DHTKD1: variants seen among roughly 807,000 people sequenced by gnomAD.
The protein encoded by DHTKD1 is 2-oxoadipate dehydrogenase complex component E1.
DHTKD1 carries 78 observed loss-of-function variants against 101.8 expected under a neutral mutation model. That is an observed-to-expected ratio of 0.77 (90% CI 0.64 to 0.93). The LOEUF (loss-of-function observed/expected upper bound fraction) is 0.93, where lower values mean the gene tolerates loss of function less well. Among genes scored for constraint, DHTKD1 ranks in the 40% least tolerant of loss-of-function variants. The pLI, the probability that DHTKD1 is intolerant of heterozygous loss-of-function variation, is 0.00. For synonymous variants in DHTKD1, 462 were observed against 450.3 expected, an observed-to-expected ratio of 1.03 and a Z score of -0.33; for missense variants, 1,223 against 1,161.7, an observed-to-expected ratio of 1.05 and a Z score of -0.77.
At chr10:12,120,140 A>G (rs1425121441) in intron 15 of DHTKD1, 42 bp from the exon 16 acceptor site, 3 of 1,486,532 alleles carry the variant, frequency 2.0e-6, no homozygotes, top group Admixed American at 1.7e-5. Flanking sequence ...GACCGTCTGC[A>G]TGTGTCTACT....
chr10:12,111,918 T>C (rs902551185), intron 12 of DHTKD1, among the ~76,000 whole-genome samples: 2 of 152,312 alleles, frequency 1.3e-5, no homozygotes, highest in South Asian at 2.1e-4. Context: ...TGTCTCCAGC[T>C]ACTTTCTCTG....
intron 14 of DHTKD1, among the ~76,000 whole-genome samples, chr10:12,118,195 T>A (rs1470261187): frequency 6.6e-6 from 1 of 151,662 alleles, no homozygotes; most frequent in African/African-American, 2.4e-5. Context: ...TGGCCTCCTC[T>A]ATCCTAAGTC....
intron 7 of DHTKD1, among the ~76,000 whole-genome samples, chr10:12,095,762 C>G (rs7081739): frequency 0.73 from 99,669 of 137,112 alleles, 36,344 homozygotes; most frequent in South Asian, 0.85. Context: ...GCAGTGAGCC[C>G]AGATCGCACC....
At chr10:12,078,782 C>T (rs980911186) in intron 1 of DHTKD1, among the ~76,000 whole-genome samples, 1 of 152,046 alleles carries the variant, frequency 6.6e-6, no homozygotes, top group Non-Finnish European at 1.5e-5. Context: ...CAGGTTCCAG[C>T]GATTCTCCTG....
At chr10:12,081,273 CAAAAA>C (rs3060443) in intron 1 of DHTKD1, among the ~76,000 whole-genome samples, 194 bp from the exon 2 acceptor site, 1 of 70,918 alleles carries the variant, frequency 1.4e-5, no homozygotes, top group Non-Finnish European at 2.5e-5. Context: ...GACTCCATCT[CAAAAA>C]AAAAAAAAAA....
At chr10:12,073,642 T>A (rs780441041) in intron 1 of DHTKD1, among the ~76,000 whole-genome samples, 6 of 152,196 alleles carry the variant, frequency 3.9e-5, no homozygotes, top group Non-Finnish European at 7.3e-5. Context: ...TTTTTTCTCA[T>A]AAGCTATCTC....
At chr10:12,097,158 G>A (rs192340195) in intron 7 of DHTKD1, among the ~76,000 whole-genome samples, 4 of 152,082 alleles carry the variant, frequency 2.6e-5, no homozygotes, top group Non-Finnish European at 4.4e-5. Context: ...GTCTTAATGC[G>A]AACAACTCAG....
intron 8 of DHTKD1, 109 bp downstream of exon 8, chr10:12,098,105 G>A (rs188188874): frequency 3.9e-5 from 41 of 1,057,466 alleles, no homozygotes; most frequent in Admixed American, 2.8e-5. Context: ...AATATTTATT[G>A]TGTGTCGTTA....
At chr10:12,106,445 C>T in intron 11 of DHTKD1, 49 bp downstream of exon 11, 1 of 1,604,732 alleles carries the variant, frequency 6.2e-7, no homozygotes, top group Non-Finnish European at 8.5e-7. Flanking sequence ...CCTGCGTGGC[C>T]CCAGCCTCGT....
chr10:12,119,717 A>G (rs1833494730), intron 15 of DHTKD1, among the ~76,000 whole-genome samples: 1 of 151,922 alleles, frequency 6.6e-6, no homozygotes, highest in South Asian at 2.1e-4. Flanking sequence ...CAGCTAATGG[A>G]TGCTGGGTTA....
chr10:12,120,290 A>AGTGTTTT, intron 16 of DHTKD1, 23 bp downstream of exon 16: 3 of 1,583,340 alleles, frequency 1.9e-6, no homozygotes, highest in South Asian at 1.1e-5. Flanking sequence ...TTTCTCTGGT[A>AGTGTTTT]GTGTTTTGTG....
intron 13 of DHTKD1, among the ~76,000 whole-genome samples, chr10:12,114,947 C>T (rs1202139246): frequency 2.0e-5 from 3 of 152,126 alleles, no homozygotes; most frequent in South Asian, 2.1e-4. Flanking sequence ...AGGCGCCTGC[C>T]ACCACGACCT....
chr10:12,119,091 G>C (rs1185254470), intron 15 of DHTKD1, among the ~76,000 whole-genome samples, 173 bp downstream of exon 15: 1 of 151,956 alleles, frequency 6.6e-6, no homozygotes, highest in Non-Finnish European at 1.5e-5. Context: ...TGGATCACAA[G>C]GTCAGGAGAT....
chr10:12,087,476 C>T lies in DHTKD1; in HGVS notation c.523-59C>T, dbSNP rs1186818547. ...TCACAACACACACAGACTTATCTGC[C>T]TTCCACTGGAGAAGCTGGCTGTCTC... On this transcript the variant is annotated intron_variant, in intron 3 of 16. Coordinates refer to ENST00000263035, the MANE Select transcript of DHTKD1 (RefSeq NM_018706.7). This position sits in a 1 kb window ranked among gnomAD's most constrained non-coding sequence, Gnocchi z 5.2. 8.8e-6 allele frequency: 13 copies of T among 1,473,616 alleles called. No homozygotes were observed. In the East Asian group the frequency reaches 9.2e-5, roughly 10 times the overall value. The allele number at this position is 1,473,616 out of a possible 1,614,324, so 91.3% of individuals were successfully genotyped here. A position where few individuals can be genotyped will look rare whatever the true frequency, so the allele number is the denominator to read the frequency against.
Position 12,097,655 on chromosome 10 carries a change from GA to G in DHTKD1, c.1359-28del, listed in dbSNP as rs138000075. On this transcript the variant is annotated intron_variant, in intron 7 of 16. Coordinates refer to ENST00000263035, the MANE Select transcript of DHTKD1 (RefSeq NM_018706.7). ...CTATTAGATTGTTACAGGTCAGACT[GA>G]TTTTTGTTTCTTCTCTTTCTTGGGC... 1.2e-3 allele frequency: 1,817 copies of G among 1,576,998 alleles called. 27 individuals carry two copies. The African/African-American group carries it at 0.021, about 18-fold the overall frequency.
At chr10:12,098,533 C>G (rs986903790) in intron 8 of DHTKD1, among the ~76,000 whole-genome samples, 1 of 152,094 alleles carries the variant, frequency 6.6e-6, no homozygotes, top group African/African-American at 2.4e-5. Flanking sequence ...CTTTCTTAAG[C>G]TTGGATGAAG....
intron 7 of DHTKD1, among the ~76,000 whole-genome samples, chr10:12,095,812 C>CAAAAAAAAAAAAAAAAAAAAAAAAA (rs1185585860): frequency 2.4e-5 from 1 of 41,494 alleles, no homozygotes; most frequent in Non-Finnish European, 4.9e-5. Context: ...GACTCCGTCT[C>CAAAAAAAAAAAAAAAAAAAAAAAAA]AAAAAAAAAA....
chr10:12,091,456 T>G (rs1408159523), intron 5 of DHTKD1, 57 bp from the exon 6 acceptor site: 52 of 925,282 alleles, frequency 5.6e-5, no homozygotes, highest in Non-Finnish European at 7.6e-5. Flanking sequence ...AAACCTAGAT[T>G]TCTTAATCCC....
intron 13 of DHTKD1, among the ~76,000 whole-genome samples, chr10:12,114,642 G>GA (rs1483155630): frequency 6.6e-6 from 1 of 152,086 alleles, no homozygotes; most frequent in African/African-American, 2.4e-5. Context: ...CTGCTGAGGT[G>GA]AAATAAGACG....
Sources: allele counts gnomAD v4.1 joint callset (sites outside exome capture counted in the v4.1 genomes callset), GRCh38; gene constraint gnomAD v4.1.1; non-coding constraint Gnocchi (gnomAD v3.1); transcripts MANE v1.5; gene names NCBI Gene and HGNC (gene_info 2026-07-23, HGNC 2026-07-21).